CLIP2: variants seen among roughly 807,000 people sequenced by gnomAD.
CLIP2 encodes CAP-Gly domain containing linker protein 2, also known as CAP-Gly domain-containing linker protein 2.
Under a neutral mutation model 111.7 loss-of-function variants are expected in CLIP2, and 41 were observed. The ratio of observed to expected loss-of-function variants is 0.37; its 90% CI spans 0.29 to 0.48. The LOEUF is 0.48. Among genes scored for constraint, CLIP2 ranks in the 20% least tolerant of loss-of-function variants. The pLI is 0.99. For missense variants in CLIP2, 1,160 were observed against 1,422.1 expected (o/e 0.82, Z 2.96); for synonymous variants, 660 against 644.2 (o/e 1.02, Z -0.37).
intron 16 of CLIP2, among the ~76,000 whole-genome samples, chr7:74,403,145 G>C (rs1294645720): frequency 7.9e-5 from 12 of 151,504 alleles, no homozygotes; most frequent in African/African-American, 2.2e-4. Flanking sequence ...CTTGAACCCG[G>C]GAGGCAGAGG....
Position 74,339,018 on chromosome 7 carries a change from G to A in CLIP2, c.678+14G>A. Reference sequence around the variant, plus strand: ...GACCGCGTGCTGGTGAGTGCGGGCAGTACTGGGCTCTGGGCCCAGCTTCCC... The same window carrying A: ...GACCGCGTGCTGGTGAGTGCGGGCAATACTGGGCTCTGGGCCCAGCTTCCC... On this transcript the variant is annotated intron_variant, in intron 3 of 16. Transcript: ENST00000223398. 1 of 1,581,630 alleles carries A rather than the reference G, an allele frequency of 6.3e-7. No individual in the cohort carries two copies. The highest frequency in any genetic ancestry group is 8.6e-7 in the Non-Finnish European group (1 of 1,168,220).
chr7:74,308,412 A>G (rs113241514), intron 1 of CLIP2, among the ~76,000 whole-genome samples: 3,282 of 152,270 alleles, frequency 0.022, 52 homozygotes, highest in Middle Eastern at 0.065. Flanking sequence ...CCTGAGTGCT[A>G]TGTCCTAAGG....
rs1554317379 is a variant in CLIP2 at position 74,400,467 on chromosome 7, C to T, written c.2978C>T (p.Thr993Met). 1.2e-6 allele frequency: 2 copies of T among 1,614,074 alleles called. No individual in the cohort carries two copies. The highest frequency in any genetic ancestry group is 1.7e-6 in the Non-Finnish European group (2 of 1,179,946). ...CGGCTGCAGCACCAGCTGATGAGCACGGAGGACGCCCTGCGGGATGCGCTG... is the reference window on the plus strand; with the variant it reads ...CGGCTGCAGCACCAGCTGATGAGCATGGAGGACGCCCTGCGGGATGCGCTG... The part of the protein sequence containing the change: ...LLRLQHQLMS[T>M]EDALRDALDQ... Residue 993 changes from threonine (T) to methionine (M), a missense_variant, in exon 15 of 17, where the codon ACG becomes ATG. Thr to Met is a moderately conservative substitution (Grantham distance 81). This residue lies in a region of CLIP2 where 676 missense variants were observed against 777.8 expected (regional missense o/e 0.87). Coordinates refer to ENST00000223398, the MANE Select transcript of CLIP2 (RefSeq NM_003388.5).
chr7:74,340,391 G>A (rs1554305159), intron 3 of CLIP2, among the ~76,000 whole-genome samples: 1 of 152,104 alleles, frequency 6.6e-6, no homozygotes, highest in East Asian at 1.9e-4. Context: ...GTGAGACTCT[G>A]TCTCAAAAAA....
At chr7:74,339,071 C>T (rs569948387) in intron 3 of CLIP2, 67 bp downstream of exon 3, 82 of 1,476,314 alleles carry the variant, frequency 5.6e-5, no homozygotes, top group East Asian at 5.5e-4. Context: ...CCCCACTTGG[C>T]GAAGCTGGAC....
At chr7:74,384,506 T>C (rs13229878) in intron 11 of CLIP2, among the ~76,000 whole-genome samples, 44,273 of 141,428 alleles carry the variant, frequency 0.31, 7,522 homozygotes, top group African/African-American at 0.45. Flanking sequence ...AGTGCAGTGG[T>C]GCAATCTTGG....
intron 1 of CLIP2, among the ~76,000 whole-genome samples, chr7:74,300,515 G>A (rs797030555): frequency 6.6e-5 from 10 of 150,382 alleles, no homozygotes; most frequent in African/African-American, 2.4e-4. Flanking sequence ...GAGTGCAGTG[G>A]TGCCATCTCG....
rs1791206725 is a variant in CLIP2 at position 74,389,214 on chromosome 7, C to T, written c.2675C>T (p.Ser892Leu). The change falls in exon 13 of 17, where the codon TCG becomes TTG. Residue 892 changes from serine to leucine, a missense_variant. By Grantham distance (145) the Ser-to-Leu change is moderately radical. Coordinates refer to ENST00000223398, the MANE Select transcript of CLIP2 (RefSeq NM_003388.5). ...GTGTCCCGGAAGACCCATGACGCCTCGGGCCAGCTAGTCCTCATCAGCCAG... is the reference window on the plus strand; with the variant it reads ...GTGTCCCGGAAGACCCATGACGCCTTGGGCCAGCTAGTCCTCATCAGCCAG... The part of the protein sequence containing the change: ...ETVSRKTHDA[S>L]GQLVLISQEL... The T allele has an allele frequency of 1.9e-6, 3 of 1,611,978 alleles. No individual in the cohort carries two copies. The highest frequency in any genetic ancestry group is 2.5e-6 in the Non-Finnish European group (3 of 1,179,318).
At chr7:74,291,181 G>A (rs975892247) in intron 1 of CLIP2, among the ~76,000 whole-genome samples, 1 of 152,178 alleles carries the variant, frequency 6.6e-6, no homozygotes, top group African/African-American at 2.4e-5. Context: ...TTCAGGACAG[G>A]TGGAGGCGGT....
At chr7:74,305,941 G>T (rs1458118510) in intron 1 of CLIP2, among the ~76,000 whole-genome samples, 1 of 149,672 alleles carries the variant, frequency 6.7e-6, no homozygotes, top group African/African-American at 2.5e-5. Flanking sequence ...GATTGTGGGG[G>T]ACCCCTGGCT....
intron 1 of CLIP2, among the ~76,000 whole-genome samples, chr7:74,311,916 A>AT: frequency 2.2e-5 from 2 of 89,806 alleles, no homozygotes; most frequent in African/African-American, 5.9e-5. Flanking sequence ...CATCTCAAGA[A>AT]TAAAAAAAAA....
chr7:74,404,205 C>T lies in CLIP2; in HGVS notation c.*357C>T, dbSNP rs1791703184. The T allele has an allele frequency of 7.1e-6, 2 of 282,636 alleles. No homozygotes were observed. The highest frequency in any genetic ancestry group is 2.1e-5 in the African/African-American group (1 of 46,614). The allele number at this position is 282,636 out of a possible 1,614,324, so 17.5% of individuals were successfully genotyped here. On this transcript the variant is annotated 3_prime_UTR_variant, in exon 17 of 17. Transcript: ENST00000223398. ...TGAGGACCATCTTAGCGGCCCTGTCCTCTTTTTCCGCCCATTCTCCCTCGG... is the reference window on the plus strand; with the variant it reads ...TGAGGACCATCTTAGCGGCCCTGTCTTCTTTTTCCGCCCATTCTCCCTCGG...
At chr7:74,362,480 CGATG>C (rs1790357255) in intron 7 of CLIP2, among the ~76,000 whole-genome samples, 1 of 151,330 alleles carries the variant, frequency 6.6e-6, no homozygotes, top group Non-Finnish European at 1.5e-5. Flanking sequence ...GTTCCCATGG[CGATG>C]TGCCTGACGC....
intron 8 of CLIP2, among the ~76,000 whole-genome samples, chr7:74,367,238 T>C (rs901213337): frequency 3.3e-5 from 5 of 152,120 alleles, no homozygotes; most frequent in Non-Finnish European, 7.4e-5. Flanking sequence ...TCACCCAGGC[T>C]GGAGTGCAGT....
At chr7:74,389,588 TAAAAAAAA>T (rs149173666) in intron 13 of CLIP2, among the ~76,000 whole-genome samples, 59 of 104,654 alleles carry the variant, frequency 5.6e-4, no homozygotes, top group Non-Finnish European at 4.7e-4. Flanking sequence ...CCCCTATCTC[TAAAAAAAA>T]AAAAAAAAAA....
chr7:74,330,019 TC>T (rs1554731077), intron 2 of CLIP2, among the ~76,000 whole-genome samples: 1 of 152,060 alleles, frequency 6.6e-6, no homozygotes, highest in Admixed American at 6.6e-5. Context: ...CCTCAAGCCA[TC>T]CGCCTGCCTT....
At chr7:74,330,403 T>C (rs1235415459) in intron 2 of CLIP2, among the ~76,000 whole-genome samples, 2 of 151,782 alleles carry the variant, frequency 1.3e-5, no homozygotes, top group Non-Finnish European at 2.9e-5. Context: ...ATTACAGGTA[T>C]GCGCCACCAT....
rs1444553617 is a variant in CLIP2 at position 74,376,379 on chromosome 7, C to T, written c.1978C>T (p.His660Tyr). The change falls in exon 10 of 17, where the codon CAC becomes TAC. Residue 660 changes from histidine (H) to tyrosine (Y), a missense_variant. By Grantham distance (83) the His-to-Tyr change is moderately conservative. Transcript: ENST00000223398. The surrounding 1 kb of genome is among the most constrained non-coding windows in gnomAD (Gnocchi z 7.1). ...KAVMEGIKMEHQLELGNLQAK... is the reference protein window; with the variant it reads ...KAVMEGIKMEYQLELGNLQAK... ...AGTGATGGAGGGCATCAAGATGGAG[C>T]ACCAGCTGGAGCTGGGTAACTTGCA... 2 of 1,613,954 alleles carry T rather than the reference C, an allele frequency of 1.2e-6. No homozygotes were observed. Among genetic ancestry groups the T allele is most frequent in the Non-Finnish European group, 1.7e-6 (2 of 1,180,042 alleles).
At chr7:74,379,853 A>G (rs1454746471) in intron 10 of CLIP2, among the ~76,000 whole-genome samples, 1 of 152,190 alleles carries the variant, frequency 6.6e-6, no homozygotes, top group Non-Finnish European at 1.5e-5. Flanking sequence ...AGGCCGAGGC[A>G]GGAGAATCGC....
Sources: gnomAD v4.1 joint callset for allele counts (sites outside exome capture counted in the v4.1 genomes callset) on GRCh38, gnomAD v4.1.1 for gene constraint, gnomAD v4.1.1 regional missense constraint, Gnocchi (gnomAD v3.1) non-coding constraint, MANE v1.5 for transcripts, NCBI Gene and HGNC (gene_info 2026-07-23, HGNC 2026-07-21) for gene names.